Variants in RHOU observed in about 807,000 individuals in gnomAD.
RHOU encodes the protein ras homolog family member U, also known as rho-related GTP-binding protein RhoU.
In RHOU, 8 loss-of-function variants were observed where a neutral mutation model predicts 12.6. The ratio of observed to expected loss-of-function variants is 0.64; its 90% CI spans 0.37 to 1.15. RHOU has a LOEUF of 1.15. Among genes scored for constraint, RHOU ranks in the 50% most tolerant of loss-of-function variants. The pLI is 0.01. For missense variants in RHOU, 258 were observed against 347.0 expected (o/e 0.74, Z 2.04); for synonymous variants, 161 against 147.4 (o/e 1.09, Z -0.67).
chr1:228,726,129 C>T, the RHOU span, among the ~76,000 whole-genome samples: 2 of 151,998 alleles, frequency 1.3e-5, no homozygotes, highest in African/African-American at 2.4e-5. Flanking sequence ...TATTTTTCTC[C>T]CCTCTCCTAA....
At chr1:228,732,207 C>T (rs1011033293), upstream of RHOU, among the ~76,000 whole-genome samples, 3 of 152,062 alleles carry the variant, frequency 2.0e-5, no homozygotes, top group African/African-American at 2.4e-5. Context: ...TACTACTTGC[C>T]CCACGTGCTT....
In RHOU at chr1:228,744,243, A is replaced by G. The variant is rs987718508; in HGVS notation, c.*503A>G. 1 of 152,480 alleles carries G rather than the reference A, an allele frequency of 6.6e-6. No homozygotes were observed. The allele number at this position is 152,480 out of a possible 1,614,324, so 9.4% of individuals were successfully genotyped here. On this transcript the variant is annotated 3_prime_UTR_variant, in exon 3 of 3. Transcript: ENST00000366691. ...TTTTTTTAAGGAGCAAAAATCTGAG[A>G]AAAAAAGTGAGAGACCTCTGCCTAC...
chr1:228,736,109 C>G, intron 1 of RHOU, 105 bp downstream of exon 1: 4 of 1,158,956 alleles, frequency 3.5e-6, no homozygotes, highest in Non-Finnish European at 4.7e-6. Flanking sequence ...CTGCAGGGCC[C>G]CGGGCGCGGC....
At chr1:228,647,241 G>A in the RHOU span, among the ~76,000 whole-genome samples, 1 of 152,306 alleles carries the variant, frequency 6.6e-6, no homozygotes, top group African/African-American at 2.4e-5. Context: ...TTTGGAGGTG[G>A]GTTTCGTAGG....
chr1:228,713,040 A>C, the RHOU span, among the ~76,000 whole-genome samples: 1 of 151,672 alleles, frequency 6.6e-6, no homozygotes, highest in African/African-American at 2.4e-5. Flanking sequence ...GAATGTTGTG[A>C]TATTTTAAGG....
At chr1:228,705,771 C>T in the RHOU span, among the ~76,000 whole-genome samples, 3 of 152,234 alleles carry the variant, frequency 2.0e-5, no homozygotes, top group South Asian at 2.1e-4. Flanking sequence ...AGGCCGGGCG[C>T]GGTGGGTCAC....
At chr1:228,670,979 T>C in the RHOU span, among the ~76,000 whole-genome samples, 1 of 152,194 alleles carries the variant, frequency 6.6e-6, no homozygotes. Context: ...AAACCTCTTT[T>C]CTTCATAAAT....
At chr1:228,702,731 TTTTTA>T in the RHOU span, among the ~76,000 whole-genome samples, 1 of 152,258 alleles carries the variant, frequency 6.6e-6, no homozygotes, top group East Asian at 1.9e-4. Flanking sequence ...TGAAGTCATT[TTTTTA>T]TTTTATTTTA....
the RHOU span, chr1:228,687,621 C>G: frequency 1.9e-6 from 3 of 1,563,860 alleles, no homozygotes; most frequent in Non-Finnish European, 1.7e-6. Context: ...TCAGTCACTA[C>G]TGGAACTGCA....
chr1:228,646,914 A>T, the RHOU span, among the ~76,000 whole-genome samples: 1 of 151,968 alleles, frequency 6.6e-6, no homozygotes, highest in African/African-American at 2.4e-5. Context: ...ATCGAGAGAG[A>T]CCGGAGAGGT....
At chr1:228,732,021 T>G (rs182636132), upstream of RHOU, among the ~76,000 whole-genome samples, 67 of 152,328 alleles carry the variant, frequency 4.4e-4, no homozygotes, top group Middle Eastern at 3.4e-3. Context: ...CAAATTTCCT[T>G]CATTCATTCT....
chr1:228,700,881 G>A, the RHOU span, among the ~76,000 whole-genome samples: 1 of 152,016 alleles, frequency 6.6e-6, no homozygotes. Flanking sequence ...GAGCCCAGGA[G>A]TTCAAGATCA....
chr1:228,730,785 C>A (rs1042263222), upstream of RHOU, among the ~76,000 whole-genome samples: 3 of 152,154 alleles, frequency 2.0e-5, no homozygotes, highest in African/African-American at 7.2e-5. Context: ...AGTTATATGA[C>A]CTGCTAAAAT....
At chr1:228,726,395 G>A in the RHOU span, among the ~76,000 whole-genome samples, 1 of 152,194 alleles carries the variant, frequency 6.6e-6, no homozygotes, top group Non-Finnish European at 1.5e-5. Flanking sequence ...GCCGGGCGCA[G>A]TGGCTCAAGC....
At chr1:228,668,991 A>G in the RHOU span, among the ~76,000 whole-genome samples, 1 of 152,240 alleles carries the variant, frequency 6.6e-6, no homozygotes, top group Non-Finnish European at 1.5e-5. Flanking sequence ...AAGGGGCAGG[A>G]TGGGCCTTGA....
At chr1:228,687,935 C>T in the RHOU span, 2 of 705,232 alleles carry the variant, frequency 2.8e-6, no homozygotes, top group Admixed American at 2.0e-5. Context: ...CTCCATCTCC[C>T]TCCCTCTGTC....
chr1:228,650,200 GT>G, the RHOU span: 1 of 456,846 alleles, frequency 2.2e-6, no homozygotes, highest in Non-Finnish European at 4.4e-6. Flanking sequence ...AGCCCCATGG[GT>G]CGCCCATGGG....
At chr1:228,700,029 T>G in the RHOU span, among the ~76,000 whole-genome samples, 1 of 152,338 alleles carries the variant, frequency 6.6e-6, no homozygotes, top group East Asian at 1.9e-4. Context: ...TGTATATAAT[T>G]TGGATAGTTT....
At chr1:228,719,532 C>G in the RHOU span, among the ~76,000 whole-genome samples, 1 of 152,158 alleles carries the variant, frequency 6.6e-6, no homozygotes, top group Non-Finnish European at 1.5e-5. Flanking sequence ...GAGTTCGAGA[C>G]CAGCCTGGCC....
Sources: gnomAD v4.1 joint callset for allele counts (sites outside exome capture counted in the v4.1 genomes callset) on GRCh38, gnomAD v4.1.1 for gene constraint, MANE v1.5 for transcripts, NCBI Gene and HGNC (gene_info 2026-07-23, HGNC 2026-07-21) for gene names.